The following SHROOM2 variants were observed in gnomAD, a reference collection of about 807,000 sequenced individuals.
The protein encoded by SHROOM2 is shroom family member 2, also known as protein Shroom2.
In SHROOM2, 33 loss-of-function variants were observed where a neutral mutation model predicts 75.9. That is an observed-to-expected ratio of 0.43 (90% CI 0.33 to 0.58). SHROOM2 has a LOEUF of 0.58. Among genes scored for constraint, SHROOM2 ranks in the 20% least tolerant of loss-of-function variants. The pLI, the probability that SHROOM2 is intolerant of heterozygous loss-of-function variation, is 0.04. For synonymous variants in SHROOM2, 655 were observed against 663.6 expected, an observed-to-expected ratio of 0.99 and a Z score of 0.20; for missense variants, 1,434 against 1,461.2, an observed-to-expected ratio of 0.98 and a Z score of 0.30.
At position 9,832,947 on chromosome X, in the gene SHROOM2, A is replaced by G. The variant is rs189321793; in HGVS notation, c.166-40705A>G. Among the ~76,000 whole-genome samples, 109 of 111,769 alleles carry G rather than the reference A, an allele frequency of 9.8e-4. 1 individual carries two copies. Among genetic ancestry groups the G allele is most frequent in the African/African-American group, 3.0e-3 (91 of 30,779 alleles). On this transcript the variant is annotated intron_variant, in intron 1 of 9. Coordinates refer to ENST00000380913, the MANE Select transcript of SHROOM2 (RefSeq NM_001649.4). Reference sequence around the variant, plus strand: ...ATTTGTGTTGGTTTTTGAAGCAGGAAGTGGCCACATGCAAAGGTTTTCCTG... The same window carrying G: ...ATTTGTGTTGGTTTTTGAAGCAGGAGGTGGCCACATGCAAAGGTTTTCCTG...
At chrX:9,829,949 T>A (rs758305079) in intron 1 of SHROOM2, among the ~76,000 whole-genome samples, 46 of 110,438 alleles carry the variant, frequency 4.2e-4, no homozygotes, top group Non-Finnish European at 7.2e-4. Flanking sequence ...CAGTTTTTTT[T>A]ATTTTTATTT....
At chrX:9,928,836 A>G (rs1448797368) in intron 5 of SHROOM2, among the ~76,000 whole-genome samples, 1 of 112,551 alleles carries the variant, frequency 8.9e-6, no homozygotes, top group African/African-American at 3.2e-5. Context: ...GCAAACAACC[A>G]GACATACACA....
intron 1 of SHROOM2, among the ~76,000 whole-genome samples, chrX:9,815,771 G>A (rs1376305418): frequency 1.8e-5 from 2 of 110,140 alleles, no homozygotes; most frequent in East Asian, 2.9e-4. Flanking sequence ...TGTAGGCTGG[G>A]AGGCTAGACC....
chrX:9,815,532 A>ATT (rs1199765949), intron 1 of SHROOM2, among the ~76,000 whole-genome samples: 1 of 104,347 alleles, frequency 9.6e-6, no homozygotes. Context: ...ATAGAGATCC[A>ATT]TTATATATAT....
At chrX:9,809,225 G>C (rs1484031686) in intron 1 of SHROOM2, among the ~76,000 whole-genome samples, 1 of 111,320 alleles carries the variant, frequency 9.0e-6, no homozygotes, top group Non-Finnish European at 1.9e-5. Context: ...AGGAGAGCCA[G>C]TCCGAGTCCC....
intron 1 of SHROOM2, among the ~76,000 whole-genome samples, chrX:9,836,319 G>A (rs1431205793): frequency 5.4e-5 from 6 of 111,800 alleles, no homozygotes; most frequent in Non-Finnish European, 9.4e-5. Flanking sequence ...GGAGTCTGCA[G>A]GGCCTCAGAG....
At chrX:9,787,947 CT>C (rs1226102692) in intron 1 of SHROOM2, among the ~76,000 whole-genome samples, 34 of 102,829 alleles carry the variant, frequency 3.3e-4, no homozygotes, top group East Asian at 5.9e-4. Context: ...GAACACTCCT[CT>C]TTTTTTTTTC....
At position 9,947,503 on chromosome X, in the gene SHROOM2, G is replaced by T. The variant is rs924917956; in HGVS notation, c.*566G>T. ...GATAATTTATTAACTTTTTGGAAGG[G>T]TGAATAGTTTCCTAATGGTTAAAAA... is the stretch of plus-strand genomic sequence containing the variant. On this transcript the variant is annotated 3_prime_UTR_variant, in exon 10 of 10. Coordinates refer to ENST00000380913, the MANE Select transcript of SHROOM2 (RefSeq NM_001649.4). The T allele has an allele frequency of 8.9e-6, 1 of 112,837 alleles. No homozygotes were observed. Among genetic ancestry groups the T allele is most frequent in the Non-Finnish European group, 1.9e-5 (1 of 53,793 alleles). The allele number at this position is 112,837 out of a possible 1,213,427, so 9.3% of individuals were successfully genotyped here.
chrX:9,896,569 G>A lies in SHROOM2; in HGVS notation c.2661G>A (p.Leu887=). ...QASWKEQRKP[L]EARSSGRCHS... ...CTTGGAAGGAACAGAGGAAACCTCTGGAGGCCAGGAGCTCTGGGCGCTGCC... is the reference window on the plus strand; with the variant it reads ...CTTGGAAGGAACAGAGGAAACCTCTAGAGGCCAGGAGCTCTGGGCGCTGCC... The change falls in exon 4 of 10, where the codon CTG becomes CTA. Residue 887 remains leucine, a synonymous_variant. Transcript: ENST00000380913. 8.3e-7 allele frequency: 1 copy of A among 1,210,645 alleles called. No individual in the cohort carries two copies. Among genetic ancestry groups the A allele is most frequent in the Non-Finnish European group, 1.1e-6 (1 of 895,021 alleles).
intron 5 of SHROOM2, among the ~76,000 whole-genome samples, chrX:9,900,644 A>G (rs1162832555): frequency 8.9e-6 from 1 of 112,152 alleles, no homozygotes; most frequent in Non-Finnish European, 1.9e-5. Flanking sequence ...AAAGACAAGT[A>G]GGGCAGATTG....
Position 9,947,510 on chromosome X carries a change from G to A in SHROOM2, c.*573G>A, listed in dbSNP as rs2084832725. ...TATTAACTTTTTGGAAGGGTGAATAGTTTCCTAATGGTTAAAAACCAACTG... is the reference window on the plus strand; with the variant it reads ...TATTAACTTTTTGGAAGGGTGAATAATTTCCTAATGGTTAAAAACCAACTG... On this transcript the variant is annotated 3_prime_UTR_variant, in exon 10 of 10. Coordinates refer to ENST00000380913, the MANE Select transcript of SHROOM2 (RefSeq NM_001649.4). The A allele has an allele frequency of 8.9e-6, 1 of 112,818 alleles. No homozygotes were observed. Among genetic ancestry groups the A allele is most frequent in the South Asian group, 3.7e-4 (1 of 2,705 alleles). The allele number at this position is 112,818 out of a possible 1,213,427, so 9.3% of individuals were successfully genotyped here.
chrX:9,892,215 C>T (rs1027965014), intron 3 of SHROOM2, among the ~76,000 whole-genome samples: 8 of 103,173 alleles, frequency 7.8e-5, no homozygotes, highest in Admixed American at 2.1e-4. Context: ...ATTGCAGCAC[C>T]GCACTCCAGT....
At chrX:9,815,431 ATTATGTGTGTGTGTG>A (rs1425516664) in intron 1 of SHROOM2, among the ~76,000 whole-genome samples, 1 of 60,453 alleles carries the variant, frequency 1.7e-5, no homozygotes, top group Non-Finnish European at 3.1e-5. Context: ...AGATATACAT[ATTATGTGTGTGTGTG>A]TGTGTGTGTG....
At chrX:9,899,204 G>A (rs2084352019) in intron 5 of SHROOM2, among the ~76,000 whole-genome samples, 2 of 110,284 alleles carry the variant, frequency 1.8e-5, no homozygotes, top group South Asian at 7.9e-4. Context: ...GGATGTTGCA[G>A]TGAATGGGGA....
chrX:9,868,836 T>C (rs1205693072), intron 1 of SHROOM2, among the ~76,000 whole-genome samples: 1 of 96,032 alleles, frequency 1.0e-5, no homozygotes, highest in Admixed American at 1.3e-4. Flanking sequence ...CACATTGGCC[T>C]CCCAAAGTGG....
chrX:9,809,053 C>G (rs1185143600), intron 1 of SHROOM2, among the ~76,000 whole-genome samples: 2 of 108,784 alleles, frequency 1.8e-5, no homozygotes, highest in African/African-American at 6.7e-5. Flanking sequence ...CTTTCCCTCC[C>G]TTCCCCCAAA....
At chrX:9,889,304 T>A (rs752120226) in intron 2 of SHROOM2, among the ~76,000 whole-genome samples, 1 of 112,809 alleles carries the variant, frequency 8.9e-6, no homozygotes, top group African/African-American at 3.2e-5. Flanking sequence ...TTTTCAGTTT[T>A]ATTTTGTAAA....
At chrX:9,796,098 A>G (rs2083693703) in intron 1 of SHROOM2, among the ~76,000 whole-genome samples, 1 of 111,763 alleles carries the variant, frequency 8.9e-6, no homozygotes, top group South Asian at 3.8e-4. Context: ...ACATAAAGCT[A>G]TCTCTAGTAA....
Position 9,937,356 on chromosome X carries a change from CGAGGCCCCACATAGGGCCCAGCCGGCT to C in SHROOM2, c.3814_3840del (p.Ala1272_Glu1280del). 1 of 1,203,949 alleles carries C rather than the reference CGAGGCCCCACATAGGGCCCAGCCGGCT, an allele frequency of 8.3e-7. No individual in the cohort carries two copies. Among genetic ancestry groups the C allele is most frequent in the Non-Finnish European group, 1.1e-6 (1 of 891,632 alleles). On this transcript the variant is annotated inframe_deletion, in exon 7 of 10. Coordinates refer to ENST00000380913, the MANE Select transcript of SHROOM2 (RefSeq NM_001649.4). ...TGTACACGCGGCAGGGTGCTGAGCC[CGAGGCCCCACATAGGGCCCAGCCGGCT>C]GAGCCCCAGCCCCTGGGCACCCAGG... is the stretch of plus-strand genomic sequence containing the variant.
Sources: allele counts gnomAD v4.1 joint callset (sites outside exome capture counted in the v4.1 genomes callset), GRCh38; gene constraint gnomAD v4.1.1; transcripts MANE v1.5; gene names NCBI Gene and HGNC (gene_info 2026-07-23, HGNC 2026-07-21).